Variants in TTC28 observed in about 807,000 individuals in gnomAD.
TTC28 encodes the protein tetratricopeptide repeat protein 28.
TTC28 carries 61 observed loss-of-function variants against 198.0 expected under a neutral mutation model. The observed-to-expected ratio is 0.31, with a 90% CI of 0.25 to 0.38. TTC28 has a LOEUF of 0.38. TTC28 is among the 10% of genes least tolerant of loss of function. TTC28 has a pLI of 1.00. For synonymous variants in TTC28, 1,171 were observed against 1,297.8 expected, an observed-to-expected ratio of 0.90 and a Z score of 2.10; for missense variants, 2,678 against 3,164.0, an observed-to-expected ratio of 0.85 and a Z score of 3.69.
intron 12 of TTC28, among the ~76,000 whole-genome samples, chr22:28,071,613 T>C (rs1940971587): frequency 6.7e-6 from 1 of 148,666 alleles, no homozygotes; most frequent in Middle Eastern, 3.5e-3. Flanking sequence ...GGGATAGCAT[T>C]GGGAGATATA....
At position 28,163,598 on chromosome 22, in the gene TTC28, G is replaced by T; in HGVS notation, c.935C>A (p.Ala312Glu). 1 of 1,524,368 alleles carries T rather than the reference G, an allele frequency of 6.6e-7. No homozygotes were observed. The highest frequency in any genetic ancestry group is 8.8e-7 in the Non-Finnish European group (1 of 1,134,104). 94.4% of individuals were successfully genotyped at this position (1,524,368 alleles called of 1,614,324 possible). A position where few individuals can be genotyped will look rare whatever the true frequency, so the allele number is the denominator to read the frequency against. Residue 312 changes from alanine to glutamate, a missense_variant and splice_region_variant, in exon 6 of 23, where the codon GCA (alanine) becomes GAA (glutamate). By Grantham distance (107) the Ala-to-Glu change is moderately radical. Coordinates refer to ENST00000397906, the MANE Select transcript of TTC28 (RefSeq NM_001145418.2). ...CAGACTGCTCAAGGCTGATGAAGCT[G>T]CCTGGAGAGAAAAGGATAAAGTGGA... ...VLAMKLKDREAASSALSSLGH... is the reference protein window; with the variant it reads ...VLAMKLKDREEASSALSSLGH...
intron 5 of TTC28, among the ~76,000 whole-genome samples, chr22:28,236,803 T>TA (rs1929282700): frequency 6.6e-6 from 1 of 152,192 alleles, no homozygotes; most frequent in South Asian, 2.1e-4. Flanking sequence ...AAGATGTCCT[T>TA]ATCTTCTGAA....
In TTC28 at chr22:28,030,247, C is replaced by A. The variant is rs975406109; in HGVS notation, c.4052G>T (p.Arg1351Leu). The change falls in exon 13 of 23, where the codon CGC (arginine) becomes CTC (leucine). Residue 1351 changes from arginine (R) to leucine (L), a missense_variant. By Grantham distance (102) the Arg-to-Leu change is moderately radical. This residue lies in a region of TTC28 where 727 missense variants were observed against 861.9 expected (regional missense o/e 0.84). Coordinates refer to ENST00000397906, the MANE Select transcript of TTC28 (RefSeq NM_001145418.2). ...TCACCTGTTAAACAGGTTATTGCGG[C>A]GAACCATCCGCAGAAAGCCAGTGGG... is the stretch of plus-strand genomic sequence containing the variant. Reference protein sequence around the residue: ...TDPTGFLRMVRRNNLFNRSCQ... With the variant: ...TDPTGFLRMVLRNNLFNRSCQ... The A allele has an allele frequency of 1.3e-6, 2 of 1,551,590 alleles. No homozygotes were observed. Among genetic ancestry groups the A allele is most frequent in the Non-Finnish European group, 1.7e-6 (2 of 1,147,008 alleles).
intron 2 of TTC28, among the ~76,000 whole-genome samples, chr22:28,390,713 C>T (rs935573189): frequency 1.3e-5 from 2 of 152,082 alleles, no homozygotes; most frequent in African/African-American, 4.8e-5. Context: ...TTCCTCCATC[C>T]TTTTATTTTG....
rs79457479 is a variant in TTC28 at position 28,012,252 on chromosome 22, C to T, written c.4218+1996G>A. Among the ~76,000 whole-genome samples the T allele has an allele frequency of 9.4e-3, 1,436 of 152,292 alleles. 26 individuals carry two copies. The highest frequency in any genetic ancestry group is 0.032 in the African/African-American group (1,338 of 41,556). ...CTCAGAAGCTTTAAGCTGGAGAATT[C>T]TCTGCAGTTTTGGTCATCTCATTAA... On this transcript the variant is annotated intron_variant, in intron 14 of 22. Transcript: ENST00000397906.
intron 2 of TTC28, among the ~76,000 whole-genome samples, chr22:28,371,595 A>T (rs2046336925): frequency 1.3e-3 from 1 of 782 alleles, no homozygotes; most frequent in Non-Finnish European, 2.3e-3. Context: ...AAAAAAAAAA[A>T]AAATTTTTTT....
chr22:28,530,675 C>A (rs1453299164), intron 2 of TTC28, among the ~76,000 whole-genome samples: 2 of 152,106 alleles, frequency 1.3e-5, no homozygotes, highest in Non-Finnish European at 2.9e-5. Context: ...TCGGGTTGCC[C>A]ACAAAGGGAA....
intron 12 of TTC28, among the ~76,000 whole-genome samples, chr22:28,093,086 G>GATTT (rs1415257319): frequency 6.6e-6 from 1 of 152,154 alleles, no homozygotes; most frequent in Non-Finnish European, 1.5e-5. Context: ...GTTAACTTCT[G>GATTT]TTAAATGAAG....
intron 1 of TTC28, among the ~76,000 whole-genome samples, chr22:28,638,720 A>C (rs1340624605): frequency 6.6e-6 from 1 of 152,258 alleles, no homozygotes; most frequent in African/African-American, 2.4e-5. Context: ...TTATTTTAAA[A>C]GAAAATTAAA....
intron 5 of TTC28, among the ~76,000 whole-genome samples, chr22:28,231,541 C>T (rs1928803409): frequency 6.6e-6 from 1 of 152,174 alleles, no homozygotes; most frequent in African/African-American, 2.4e-5. Context: ...AAGAGTGGCT[C>T]ATGTCTGTAG....
intron 2 of TTC28, among the ~76,000 whole-genome samples, chr22:28,437,898 T>C (rs1187089895): frequency 3.3e-5 from 5 of 152,152 alleles, no homozygotes; most frequent in Non-Finnish European, 5.9e-5. Context: ...ACATTTGCAA[T>C]AAATCCAGCA....
chr22:28,142,573 G>A (rs1384176591), intron 6 of TTC28, among the ~76,000 whole-genome samples: 1 of 152,110 alleles, frequency 6.6e-6, no homozygotes, highest in Non-Finnish European at 1.5e-5. Context: ...ATTTCTGGTG[G>A]AGCAATTCAC....
intron 2 of TTC28, among the ~76,000 whole-genome samples, chr22:28,503,580 G>C (rs991782394): frequency 3.3e-5 from 5 of 152,144 alleles, no homozygotes; most frequent in Admixed American, 6.5e-5. Flanking sequence ...TCACTGAGTT[G>C]TTGGGATTTA....
chr22:28,088,584 AT>A (rs1301461499), intron 12 of TTC28, among the ~76,000 whole-genome samples: 2 of 151,356 alleles, frequency 1.3e-5, no homozygotes, highest in African/African-American at 4.8e-5. Flanking sequence ...AGGCAATACC[AT>A]TCAGGACATA....
chr22:28,146,658 G>C, intron 6 of TTC28, among the ~76,000 whole-genome samples: 1 of 152,172 alleles, frequency 6.6e-6, no homozygotes, highest in East Asian at 1.9e-4. Flanking sequence ...CAACAGCTGG[G>C]CCATGTTATA....
At position 27,998,909 on chromosome 22, in the gene TTC28, G is replaced by A. The variant is rs914598415; in HGVS notation, c.4750C>T (p.Arg1584Trp). 3.5e-5 allele frequency: 55 copies of A among 1,550,574 alleles called. No homozygotes were observed. The highest frequency in any genetic ancestry group is 4.6e-5 in the Non-Finnish European group (53 of 1,146,980). Residue 1584 changes from arginine (R) to tryptophan (W), a missense_variant, in exon 16 of 23, where the codon CGG (arginine) becomes TGG (tryptophan). By Grantham distance (101) the Arg-to-Trp change is moderately radical. Transcript: ENST00000397906. ...GHPYTIPESLRVQDDASDGES... is the reference protein window; with the variant it reads ...GHPYTIPESLWVQDDASDGES... ...CCATCACTGGCATCGTCCTGCACCC[G>A]CAAGGACTCAGGGATCGTGTAGGGG...
At chr22:28,054,785 C>T (rs1377961159) in intron 12 of TTC28, among the ~76,000 whole-genome samples, 2 of 152,184 alleles carry the variant, frequency 1.3e-5, no homozygotes, top group South Asian at 2.1e-4. Flanking sequence ...TTTACCTCCT[C>T]CATGAAGGCA....
At position 28,137,752 on chromosome 22, in the gene TTC28, C is replaced by T. The variant is rs180876846; in HGVS notation, c.1441+25340G>A. On this transcript the variant is annotated intron_variant, in intron 6 of 22. Transcript: ENST00000397906. ...ACTATGGGCCAGGCACGGTGGCTCA[C>T]ACCTGTAATCCCAGCACTTTGGGAG... 2.8e-3 allele frequency among the ~76,000 whole-genome samples: 424 copies of T among 152,248 alleles called. 4 individuals are homozygous for T. Among genetic ancestry groups the T allele is most frequent in the African/African-American group, 8.8e-3 (367 of 41,548 alleles).
At chr22:28,471,002 C>T (rs78384986) in intron 2 of TTC28, among the ~76,000 whole-genome samples, 1 of 152,158 alleles carries the variant, frequency 6.6e-6, no homozygotes, top group African/African-American at 2.4e-5. Flanking sequence ...CTATCTTAGA[C>T]GCTCAGTACA....
Sources: allele counts gnomAD v4.1 joint callset (sites outside exome capture counted in the v4.1 genomes callset), GRCh38; gene constraint gnomAD v4.1.1; regional missense constraint gnomAD v4.1.1; transcripts MANE v1.5; gene names NCBI Gene and HGNC (gene_info 2026-07-23, HGNC 2026-07-21).